Variants in NIBAN2 observed in about 807,000 individuals in gnomAD.
NIBAN2 encodes the protein niban apoptosis regulator 2, also known as protein Niban 2.
Under a neutral mutation model 81.8 loss-of-function variants are expected in NIBAN2, and 36 were observed. The ratio of observed to expected loss-of-function variants is 0.44; its 90% CI spans 0.34 to 0.58. The LOEUF (loss-of-function observed/expected upper bound fraction) is 0.58, where lower values mean the gene tolerates loss of function less well. Among genes scored for constraint, NIBAN2 ranks in the 20% least tolerant of loss-of-function variants. NIBAN2 has a pLI of 0.02. For synonymous variants in NIBAN2, 445 were observed against 441.6 expected (o/e 1.01, Z -0.10); for missense variants, 897 against 1,014.1 (o/e 0.88, Z 1.57).
chr9:127,516,988 T>C lies in NIBAN2; in HGVS notation c.842A>G (p.Glu281Gly). 6.2e-7 allele frequency: 1 copy of C among 1,613,992 alleles called. No individual in the cohort carries two copies. The highest frequency in any genetic ancestry group is 1.6e-4 in the Middle Eastern group (1 of 6,062). Reference sequence around the variant, plus strand: ...CTCCTCGAAGCGCGCCTTGGCCTGCTCGTACACCATGTGGTACACGGCGTC... The same window carrying C: ...CTCCTCGAAGCGCGCCTTGGCCTGCCCGTACACCATGTGGTACACGGCGTC... Reference protein sequence around the residue: ...ISDAVYHMVYEQAKARFEEVL... With the variant: ...ISDAVYHMVYGQAKARFEEVL... The change falls in exon 8 of 14, where the codon GAG (glutamate) becomes GGG (glycine). Residue 281 changes from glutamate to glycine, a missense_variant. Glu to Gly is a moderately conservative substitution (Grantham distance 98, BLOSUM62 -2). Around this residue, in one of 3 missense-constraint regions of NIBAN2, gnomAD observed 619 missense variants for 691.0 expected, o/e 0.90. Transcript: ENST00000373312.
chr9:127,509,047 C>A lies in NIBAN2; in HGVS notation c.1246G>T (p.Gly416Trp). Residue 416 changes from glycine to tryptophan, a missense_variant, in exon 10 of 14, where the codon GGG (glycine) becomes TGG (tryptophan). Coordinates refer to ENST00000373312, the MANE Select transcript of NIBAN2 (RefSeq NM_022833.4). ...YEKMESLRLD[G>W]LQQRFDVSST... is the part of the protein sequence containing the mutation. ...GACACATCAAATCGCTGCTGCAGCC[C>A]GTCCAGTCGCAGCGACTCCATCTTC... The A allele has an allele frequency of 6.2e-7, 1 of 1,613,786 alleles. No homozygotes were observed. Among genetic ancestry groups the A allele is most frequent in the East Asian group, 2.2e-5 (1 of 44,868 alleles).
At position 127,506,737 on chromosome 9, in the gene NIBAN2, C is replaced by G. The variant is rs959515262; in HGVS notation, c.*108G>C. 16 of 1,040,322 alleles carry G rather than the reference C, an allele frequency of 1.5e-5. No homozygotes were observed. In the African/African-American group the frequency reaches 2.3e-4, roughly 15 times the overall value. 64.4% of individuals were successfully genotyped at this position (1,040,322 alleles called of 1,614,324 possible). A position where few individuals can be genotyped will look rare whatever the true frequency, so the allele number is the denominator to read the frequency against. On this transcript the variant is annotated 3_prime_UTR_variant, in exon 14 of 14. Coordinates refer to ENST00000373312, the MANE Select transcript of NIBAN2 (RefSeq NM_022833.4). ...CTGGCGGTGCCACACAGCCCTGCCC[C>G]GCCTCCACCCACAAGGCACAGACCA...
intron 2 of NIBAN2, among the ~76,000 whole-genome samples, chr9:127,529,013 G>C (rs1233609443): frequency 6.6e-6 from 1 of 152,244 alleles, no homozygotes; most frequent in Admixed American, 6.5e-5. Context: ...AGCTCGAATG[G>C]GTGGCTGGCT....
At chr9:127,576,919 C>G (rs754383363) in intron 1 of NIBAN2, among the ~76,000 whole-genome samples, 7 of 151,540 alleles carry the variant, frequency 4.6e-5, no homozygotes, top group Non-Finnish European at 1.0e-4. Flanking sequence ...TCTCAAACTC[C>G]TAACCTTGTG....
intron 1 of NIBAN2, among the ~76,000 whole-genome samples, chr9:127,555,202 C>T (rs949909509): frequency 8.5e-5 from 13 of 152,092 alleles, no homozygotes; most frequent in Admixed American, 7.9e-4. Context: ...TGTTACCTAA[C>T]GCGGTACATT....
intron 4 of NIBAN2, 52 bp from the exon 5 acceptor site, chr9:127,523,898 A>G: frequency 1.3e-6 from 2 of 1,563,122 alleles, no homozygotes; most frequent in Non-Finnish European, 1.8e-6. Flanking sequence ...GCCCTCCACC[A>G]GAGGATGTCA....
At position 127,531,097 on chromosome 9, in the gene NIBAN2, T is replaced by A. The variant is rs577047182; in HGVS notation, c.186+551A>T. On this transcript the variant is annotated intron_variant, in intron 2 of 13. Transcript: ENST00000373312. Reference sequence around the variant, plus strand: ...GGGGAGACTGAGGTGGAAGGATCACTTGAGCCAGGAAGGTTGAGGCTGCAG... The same window carrying A: ...GGGGAGACTGAGGTGGAAGGATCACATGAGCCAGGAAGGTTGAGGCTGCAG... 2.0e-5 allele frequency among the ~76,000 whole-genome samples: 3 copies of A among 151,968 alleles called. No homozygotes were observed. The East Asian group carries it at 5.8e-4, about 29-fold the overall frequency.
chr9:127,507,327 TGGG>T lies in NIBAN2; in HGVS notation c.1756_1758del (p.Pro586del). On this transcript the variant is annotated inframe_deletion, in exon 14 of 14. Transcript: ENST00000373312. The surrounding 1 kb of genome is among the most constrained non-coding windows in gnomAD (Gnocchi z 6.8). ...TTGCTGTACTCCTCGCCCCAGTCGA[TGGG>T]GGCGCCCTCGGCCAGCAGGTGCAGG... 1 of 1,566,354 alleles carries T rather than the reference TGGG, an allele frequency of 6.4e-7. No individual in the cohort carries two copies. The highest frequency in any genetic ancestry group is 1.2e-5 in the South Asian group (1 of 86,412).
intron 1 of NIBAN2, among the ~76,000 whole-genome samples, chr9:127,555,233 T>C (rs1329346277): frequency 6.6e-6 from 1 of 152,076 alleles, no homozygotes; most frequent in African/African-American, 2.4e-5. Context: ...AATGTTGGGG[T>C]GGGTTTCTCC....
chr9:127,568,691 G>T, intron 1 of NIBAN2, 129 bp downstream of exon 1: 1 of 806,564 alleles, frequency 1.2e-6, no homozygotes, highest in Non-Finnish European at 1.6e-6. Context: ...ACGCTCCCTG[G>T]CAGCTCCCAC....
In NIBAN2 at chr9:127,568,902, G is replaced by A; in HGVS notation, c.-28C>T. ...CCAGGAGGTGTCGCGGCCCGATCCG[G>A]CCGACGCCGCCGCTGTTGCCCGCGC... On this transcript the variant is annotated 5_prime_UTR_variant, in exon 1 of 14. Transcript: ENST00000373312. The A allele has an allele frequency of 1.6e-6, 2 of 1,261,666 alleles. No individual in the cohort carries two copies. The highest frequency in any genetic ancestry group is 2.5e-5 in the South Asian group (1 of 40,258). The allele number at this position is 1,261,666 out of a possible 1,614,324, so 78.2% of individuals were successfully genotyped here. A position where few individuals can be genotyped will look rare whatever the true frequency, so the allele number is the denominator to read the frequency against.
chr9:127,515,423 A>C, intron 8 of NIBAN2, among the ~76,000 whole-genome samples: 1 of 149,630 alleles, frequency 6.7e-6, no homozygotes, highest in Admixed American at 6.7e-5. Context: ...CAGGAGGCTG[A>C]GGCAGGAGAA....
At chr9:127,557,200 G>A (rs533031604) in intron 1 of NIBAN2, among the ~76,000 whole-genome samples, 2 of 152,310 alleles carry the variant, frequency 1.3e-5, no homozygotes, top group Middle Eastern at 3.4e-3. Context: ...ACTGGCTGCA[G>A]GGCTTGGTCT....
chr9:127,560,012 G>A (rs1837742535), intron 1 of NIBAN2, among the ~76,000 whole-genome samples: 1 of 152,220 alleles, frequency 6.6e-6, no homozygotes. Flanking sequence ...AGAGAAGGGA[G>A]GGCAGCTGCC....
chr9:127,518,015 G>A (rs1836866949), intron 5 of NIBAN2, 74 bp from the exon 6 acceptor site: 1 of 897,564 alleles, frequency 1.1e-6, no homozygotes, highest in Non-Finnish European at 1.7e-6. Flanking sequence ...ACTGAGAACT[G>A]ACCAAAACCC....
At chr9:127,524,947 G>A in intron 4 of NIBAN2, 111 bp downstream of exon 4, 1 of 751,496 alleles carries the variant, frequency 1.3e-6, no homozygotes, top group Non-Finnish European at 2.3e-6. Context: ...AAGCCTAGTT[G>A]GTCTCTCCGC....
intron 8 of NIBAN2, among the ~76,000 whole-genome samples, chr9:127,515,105 A>G (rs1217963668): frequency 6.6e-6 from 1 of 152,218 alleles, no homozygotes; most frequent in East Asian, 1.9e-4. Context: ...CTGCACCTGT[A>G]GTCCCAGTTA....
At chr9:127,527,452 C>A in intron 2 of NIBAN2, 130 bp from the exon 3 acceptor site, 1 of 795,494 alleles carries the variant, frequency 1.3e-6, no homozygotes, top group Non-Finnish European at 2.1e-6. Flanking sequence ...TTTGGGTCTC[C>A]CCAAGTCCTC....
chr9:127,558,144 G>C (rs970792091), intron 1 of NIBAN2, among the ~76,000 whole-genome samples: 3 of 152,156 alleles, frequency 2.0e-5, no homozygotes, highest in Non-Finnish European at 4.4e-5. Flanking sequence ...GCCCCTCACT[G>C]TCTGCGCATA....
Sources: allele counts gnomAD v4.1 joint callset (sites outside exome capture counted in the v4.1 genomes callset), GRCh38; gene constraint gnomAD v4.1.1; regional missense constraint gnomAD v4.1.1; non-coding constraint Gnocchi (gnomAD v3.1); transcripts MANE v1.5; gene names NCBI Gene and HGNC (gene_info 2026-07-23, HGNC 2026-07-21).